The following KCNG2 variants were observed in gnomAD, a reference collection of about 807,000 sequenced individuals.
KCNG2 encodes the protein voltage-gated potassium channel regulatory subunit KCNG2.
In KCNG2, 7 loss-of-function variants were observed where a neutral mutation model predicts 12.3. The observed-to-expected ratio is 0.57, with a 90% CI of 0.32 to 1.07. The LOEUF (loss-of-function observed/expected upper bound fraction) is 1.07, where lower values mean the gene tolerates loss of function less well. KCNG2 is among the 50% of genes least tolerant of loss of function. KCNG2 has a pLI of 0.04. For missense variants in KCNG2, 703 were observed against 726.0 expected (o/e 0.97, Z 0.36); for synonymous variants, 414 against 351.4 (o/e 1.18, Z -1.99).
intron 1 of KCNG2, among the ~76,000 whole-genome samples, chr18:79,824,650 C>T (rs891701839): frequency 6.6e-6 from 1 of 152,254 alleles, no homozygotes; most frequent in East Asian, 1.9e-4. Context: ...CACAGGCTGC[C>T]GGTGCTGGTG....
Position 79,803,928 on chromosome 18 carries a change from T to C in KCNG2, c.-115+5914T>C, listed in dbSNP as rs2087430040. Among the ~76,000 whole-genome samples the C allele has an allele frequency of 6.6e-6, 1 of 152,238 alleles. No individual in the cohort carries two copies. Among genetic ancestry groups the C allele is most frequent in the Admixed American group, 6.5e-5 (1 of 15,286 alleles). ...CAGAATCTTAGGCCTGGCCTGGCCG[T>C]GTCACTCCTATCTCACCTTCAGGGA... is the stretch of plus-strand genomic sequence containing the variant. On this transcript the variant is annotated intron_variant, in intron 1 of 3. Transcript: ENST00000316249. The surrounding 1 kb of genome is among the most constrained non-coding windows in gnomAD (Gnocchi z 4.5).
intron 1 of KCNG2, among the ~76,000 whole-genome samples, chr18:79,840,419 A>C (rs896905033): frequency 5.9e-5 from 9 of 152,212 alleles, no homozygotes; most frequent in African/African-American, 2.2e-4. Flanking sequence ...CACATATAGA[A>C]CTTTAATGCT....
At chr18:79,888,121 G>A (rs1242818179) in intron 3 of KCNG2, among the ~76,000 whole-genome samples, 1 of 152,140 alleles carries the variant, frequency 6.6e-6, no homozygotes, top group Non-Finnish European at 1.5e-5. Flanking sequence ...CCTAGGCCTC[G>A]AGGGTGGAGG....
At chr18:79,817,670 A>G (rs1272305177) in intron 1 of KCNG2, among the ~76,000 whole-genome samples, 1 of 152,232 alleles carries the variant, frequency 6.6e-6, no homozygotes, top group African/African-American at 2.4e-5. Flanking sequence ...CTGAGGGCAC[A>G]GTCAGTGGAG....
chr18:79,839,464 C>T (rs1452223906), intron 1 of KCNG2, among the ~76,000 whole-genome samples: 2 of 152,202 alleles, frequency 1.3e-5, no homozygotes, highest in Non-Finnish European at 2.9e-5. Context: ...CATTTGACAG[C>T]CCAGATCTAC....
In KCNG2 at chr18:79,863,795, T is replaced by C; in HGVS notation, c.128T>C (p.Leu43Pro). The C allele has an allele frequency of 1.5e-6, 2 of 1,305,404 alleles. No homozygotes were observed. The highest frequency in any genetic ancestry group is 2.0e-6 in the Non-Finnish European group (2 of 1,021,792). The allele number at this position is 1,305,404 out of a possible 1,614,324, so 80.9% of individuals were successfully genotyped here. A position where few individuals can be genotyped will look rare whatever the true frequency, so the allele number is the denominator to read the frequency against. The stretch of plus-strand genomic sequence containing the variant: ...CTGGCGCGATGCCCCCTCGCGCGCC[T>C]GGAGCGCCTGCGCGCCTGCCGCGGC... ...AALARCPLAR[L>P]ERLRACRGHD... The change falls in exon 3 of 4, where the codon CTG becomes CCG. Residue 43 changes from leucine (L) to proline (P), a missense_variant. Coordinates refer to ENST00000316249, the MANE Select transcript of KCNG2 (RefSeq NM_012283.2).
At chr18:79,819,757 A>T (rs2087557419) in intron 1 of KCNG2, among the ~76,000 whole-genome samples, 1 of 152,240 alleles carries the variant, frequency 6.6e-6, no homozygotes, top group Non-Finnish European at 1.5e-5. Context: ...GTTCAGTAGC[A>T]TGAATTCCAA....
chr18:79,819,524 G>A (rs2087555391), intron 1 of KCNG2, among the ~76,000 whole-genome samples: 1 of 152,216 alleles, frequency 6.6e-6, no homozygotes. Flanking sequence ...AGATCGGGCT[G>A]TGTTGGGCCT....
Position 79,863,969 on chromosome 18 carries a change from T to TC in KCNG2, c.304dup (p.Arg102ProfsTer154). The TC allele has an allele frequency of 7.9e-7, 1 of 1,265,182 alleles. No individual in the cohort carries two copies. Among genetic ancestry groups the TC allele is most frequent in the Non-Finnish European group, 1.0e-6 (1 of 998,776 alleles). The allele number at this position is 1,265,182 out of a possible 1,614,324, so 78.4% of individuals were successfully genotyped here. On this transcript the variant is annotated frameshift_variant, in exon 3 of 4. Transcript: ENST00000316249. LOFTEE classifies it high-confidence loss of function. ...CTGCGGGGCCCGTGCGCGCTGGCCT[T>TC]CCGCGACGAGCTGGCCTACTGGGGC...
intron 3 of KCNG2, among the ~76,000 whole-genome samples, chr18:79,888,401 ACGG>A (rs1400576685): frequency 1.3e-5 from 2 of 151,254 alleles, no homozygotes; most frequent in Admixed American, 6.6e-5. Context: ...TGGGGCCGGG[ACGG>A]CGGCGTCCTC....
At chr18:79,828,089 A>G (rs1978287551) in intron 1 of KCNG2, among the ~76,000 whole-genome samples, 1 of 151,944 alleles carries the variant, frequency 6.6e-6, no homozygotes, top group Non-Finnish European at 1.5e-5. Flanking sequence ...ACACCCGGCT[A>G]ATTCTTTGTA....
At chr18:79,854,137 C>A (rs1390062306) in intron 1 of KCNG2, among the ~76,000 whole-genome samples, 1 of 152,228 alleles carries the variant, frequency 6.6e-6, no homozygotes, top group African/African-American at 2.4e-5. Flanking sequence ...GGACTGGCCG[C>A]GGAGGGAAGG....
chr18:79,849,092 T>C (rs935549042), intron 1 of KCNG2, among the ~76,000 whole-genome samples: 1 of 152,124 alleles, frequency 6.6e-6, no homozygotes, highest in Non-Finnish European at 1.5e-5. Context: ...TCGGCCGCTC[T>C]GCACGCCAGG....
chr18:79,830,934 T>G (rs1978294581), intron 1 of KCNG2, among the ~76,000 whole-genome samples: 1 of 58,128 alleles, frequency 1.7e-5, no homozygotes, highest in Non-Finnish European at 3.6e-5. Flanking sequence ...TCAGGAGGGT[T>G]CCCTGCGGAC....
intron 3 of KCNG2, among the ~76,000 whole-genome samples, chr18:79,876,428 C>A (rs555430908): frequency 4.5e-4 from 69 of 152,352 alleles, no homozygotes; most frequent in African/African-American, 1.6e-3. Context: ...GCGGCGTGGC[C>A]ACTGCTGTGG....
intron 1 of KCNG2, among the ~76,000 whole-genome samples, chr18:79,844,975 G>A (rs1978575340): frequency 1.3e-5 from 2 of 152,182 alleles, no homozygotes. Context: ...GTGTGGAAAT[G>A]CTTATACCAC....
chr18:79,817,253 TACAC>T (rs1228434506), intron 1 of KCNG2, among the ~76,000 whole-genome samples: 16 of 149,594 alleles, frequency 1.1e-4, no homozygotes, highest in African/African-American at 3.0e-4. Flanking sequence ...ACATGGATGT[TACAC>T]AGCTGTCATA....
Position 79,864,186 on chromosome 18 carries a change from G to T in KCNG2, c.519G>T (p.Gly173=), listed in dbSNP as rs1979356913. The change falls in exon 3 of 4, where the codon GGG becomes GGT. Residue 173 remains glycine, a synonymous_variant. Transcript: ENST00000316249. ...ACGTGGTGGACAACCCGCACTCGGG[G>T]CTGGCGGGCAAGCTCTTCGCCTGCG... ...LRDVVDNPHS[G]LAGKLFACVS... 2 of 1,527,214 alleles carry T rather than the reference G, an allele frequency of 1.3e-6. No individual in the cohort carries two copies. Among genetic ancestry groups the T allele is most frequent in the Non-Finnish European group, 8.8e-7 (1 of 1,141,706 alleles). 94.6% of individuals were successfully genotyped at this position (1,527,214 alleles called of 1,614,324 possible).
chr18:79,833,276 C>T (rs1235862822), intron 1 of KCNG2, among the ~76,000 whole-genome samples: 1 of 152,132 alleles, frequency 6.6e-6, no homozygotes, highest in Non-Finnish European at 1.5e-5. Flanking sequence ...GCTGGGACTA[C>T]AGGTGTGTGC....
Sources: allele counts gnomAD v4.1 joint callset (sites outside exome capture counted in the v4.1 genomes callset), GRCh38; gene constraint gnomAD v4.1.1; non-coding constraint Gnocchi (gnomAD v3.1); transcripts MANE v1.5; gene names NCBI Gene and HGNC (gene_info 2026-07-23, HGNC 2026-07-21).